Variants in ADAMTSL3 observed in about 807,000 individuals in gnomAD.
The protein encoded by ADAMTSL3 is ADAMTS like 3, also known as ADAMTS-like protein 3.
ADAMTSL3 carries 128 observed loss-of-function variants against 201.7 expected under a neutral mutation model. The ratio of observed to expected loss-of-function variants is 0.63; its 90% CI spans 0.55 to 0.73. The LOEUF (loss-of-function observed/expected upper bound fraction) is 0.73. Ranked by LOEUF, ADAMTSL3 falls within the 30% of genes least tolerant of loss-of-function variation. ADAMTSL3 has a pLI of 0.00. For synonymous variants in ADAMTSL3, 738 were observed against 748.4 expected, an observed-to-expected ratio of 0.99 and a Z score of 0.23; for missense variants, 1,990 against 2,119.6, an observed-to-expected ratio of 0.94 and a Z score of 1.20.
At chr15:83,964,237 G>A (rs2067034153) in intron 19 of ADAMTSL3, among the ~76,000 whole-genome samples, 2 of 152,040 alleles carry the variant, frequency 1.3e-5, no homozygotes, top group Non-Finnish European at 2.9e-5. Context: ...CAAGTTAAAG[G>A]AGCATGTTCT....
intron 17 of ADAMTSL3, among the ~76,000 whole-genome samples, chr15:83,931,408 T>C (rs2066352804): frequency 6.6e-6 from 1 of 152,234 alleles, no homozygotes; most frequent in Non-Finnish European, 1.5e-5. Flanking sequence ...ATACACTTGC[T>C]CAAAAGATGA....
In ADAMTSL3 at chr15:84,025,258, C is replaced by T. The variant is rs2068281527; in HGVS notation, c.4478C>T (p.Ser1493Leu). 1.2e-6 allele frequency: 2 copies of T among 1,608,782 alleles called. No homozygotes were observed. The highest frequency in any genetic ancestry group is 2.7e-5 in the African/African-American group (2 of 74,826). ...CCTAGGTGGTTCACAAGTGTGTGGT[C>T]ACAGTGCTCTGTGTCTTGCGGTGAA... ...CPARWFTSVW[S>L]QCSVSCGEGY... Residue 1493 changes from serine (S) to leucine (L), a missense_variant, in exon 27 of 30, where the codon TCA becomes TTA. Ser to Leu is a moderately radical substitution (Grantham distance 145, BLOSUM62 -2). Transcript: ENST00000286744.
At chr15:84,004,362 A>G (rs2067853522) in intron 23 of ADAMTSL3, among the ~76,000 whole-genome samples, 1 of 152,228 alleles carries the variant, frequency 6.6e-6, no homozygotes, top group Non-Finnish European at 1.5e-5. Flanking sequence ...TGTGCAGCCA[A>G]GGTTAAGAAC....
At chr15:83,847,491 G>A (rs1470314445) in intron 7 of ADAMTSL3, among the ~76,000 whole-genome samples, 1 of 138,196 alleles carries the variant, frequency 7.2e-6, no homozygotes, top group African/African-American at 2.9e-5. Flanking sequence ...ACCATGCCAG[G>A]TAACTTTTTT....
intron 19 of ADAMTSL3, among the ~76,000 whole-genome samples, chr15:83,958,534 T>G (rs575776195): frequency 6.6e-6 from 1 of 152,180 alleles, no homozygotes; most frequent in African/African-American, 2.4e-5. Context: ...TCCTGAAATA[T>G]TCCCTCCTGC....
At chr15:83,851,376 G>A (rs2064609611) in intron 7 of ADAMTSL3, among the ~76,000 whole-genome samples, 1 of 152,012 alleles carries the variant, frequency 6.6e-6, no homozygotes, top group Admixed American at 6.6e-5. Context: ...TCAACTGCAA[G>A]GGATTTGATT....
At chr15:83,657,685 A>G (rs1324769379) in intron 2 of ADAMTSL3, among the ~76,000 whole-genome samples, 2 of 152,260 alleles carry the variant, frequency 1.3e-5, no homozygotes, top group African/African-American at 2.4e-5. Flanking sequence ...GCTTGTCAGC[A>G]TTAGAAGCTT....
intron 24 of ADAMTSL3, among the ~76,000 whole-genome samples, chr15:84,015,999 T>C (rs1365076695): frequency 6.6e-6 from 1 of 152,224 alleles, no homozygotes; most frequent in Non-Finnish European, 1.5e-5. Flanking sequence ...CTCCTCACCA[T>C]GCAAACCTAG....
intron 3 of ADAMTSL3, among the ~76,000 whole-genome samples, chr15:83,762,148 T>G (rs1158159973): frequency 1.3e-5 from 2 of 152,080 alleles, no homozygotes; most frequent in Non-Finnish European, 1.5e-5. Context: ...CCTCCTGGGT[T>G]CAAGTGATTC....
intron 13 of ADAMTSL3, among the ~76,000 whole-genome samples, chr15:83,894,089 A>G (rs1376863780): frequency 1.3e-5 from 2 of 152,202 alleles, no homozygotes; most frequent in Admixed American, 6.5e-5. Flanking sequence ...TGTATTGTGC[A>G]TGAGTAGTGT....
chr15:83,891,147 G>C (rs1025325042), intron 11 of ADAMTSL3, 182 bp from the exon 12 acceptor site: 3 of 535,922 alleles, frequency 5.6e-6, no homozygotes, highest in Non-Finnish European at 9.9e-6. Context: ...TTGTGTCGTA[G>C]ATATTCTTGA....
intron 6 of ADAMTSL3, among the ~76,000 whole-genome samples, chr15:83,835,982 A>C (rs2064261536): frequency 6.6e-6 from 1 of 152,252 alleles, no homozygotes; most frequent in Non-Finnish European, 1.5e-5. Context: ...CTTATTTATA[A>C]AATAGAGTTA....
intron 20 of ADAMTSL3, 103 bp downstream of exon 20, chr15:83,970,740 A>G: frequency 2.1e-6 from 3 of 1,409,582 alleles, no homozygotes; most frequent in Non-Finnish European, 1.9e-6. Context: ...ATCTGTGGGT[A>G]AGGCAACTCA....
intron 24 of ADAMTSL3, 78 bp from the exon 25 acceptor site, chr15:84,016,305 G>A (rs1177486080): frequency 2.7e-6 from 3 of 1,124,834 alleles, no homozygotes; most frequent in Non-Finnish European, 4.0e-6. Flanking sequence ...TCTAATAGCT[G>A]TCTTTAAGAA....
intron 4 of ADAMTSL3, among the ~76,000 whole-genome samples, chr15:83,800,479 G>T (rs1790472096): frequency 6.6e-6 from 1 of 152,132 alleles, no homozygotes; most frequent in East Asian, 1.9e-4. Flanking sequence ...TACACTGAAG[G>T]CCTGAGACAC....
intron 8 of ADAMTSL3, among the ~76,000 whole-genome samples, chr15:83,863,623 A>G (rs536644564): frequency 6.6e-6 from 1 of 152,360 alleles, no homozygotes; most frequent in South Asian, 2.1e-4. Flanking sequence ...CAGTATGTAG[A>G]GGGAAATTTA....
At chr15:83,908,296 T>G (rs1212524585) in intron 15 of ADAMTSL3, among the ~76,000 whole-genome samples, 1 of 152,208 alleles carries the variant, frequency 6.6e-6, no homozygotes, top group African/African-American at 2.4e-5. Flanking sequence ...GTGGGCATAA[T>G]AATATTTCCT....
intron 9 of ADAMTSL3, among the ~76,000 whole-genome samples, chr15:83,872,319 A>G (rs986316617): frequency 6.6e-6 from 1 of 152,052 alleles, no homozygotes; most frequent in Non-Finnish European, 1.5e-5. Flanking sequence ...TGTCCCTAAC[A>G]CTAAAGGCGT....
At chr15:83,820,772 T>C (rs2063850725) in intron 6 of ADAMTSL3, among the ~76,000 whole-genome samples, 3 of 151,660 alleles carry the variant, frequency 2.0e-5, no homozygotes, top group Non-Finnish European at 2.9e-5. Context: ...TTTTAATGAG[T>C]ATAAGGATTC....
Sources: allele counts gnomAD v4.1 joint callset (sites outside exome capture counted in the v4.1 genomes callset), GRCh38; gene constraint gnomAD v4.1.1; transcripts MANE v1.5; gene names NCBI Gene and HGNC (gene_info 2026-07-23, HGNC 2026-07-21).